The following TMPRSS15 variants were observed in gnomAD, a reference collection of about 807,000 sequenced individuals.
TMPRSS15 encodes transmembrane serine protease 15, also known as enteropeptidase.
A neutral mutation model predicts 125.3 loss-of-function variants in TMPRSS15; 128 were observed. The ratio of observed to expected loss-of-function variants is 1.02; its 90% confidence interval spans 0.89 to 1.18. The LOEUF (loss-of-function observed/expected upper bound fraction) is 1.18. Among genes scored for constraint, TMPRSS15 ranks in the 50% most tolerant of loss-of-function variants. The pLI, the probability that TMPRSS15 is intolerant of heterozygous loss-of-function variation, is 0.00. For synonymous variants in TMPRSS15, 446 were observed against 423.2 expected, an observed-to-expected ratio of 1.05 and a Z score of -0.66; for missense variants, 1,283 against 1,212.7, an observed-to-expected ratio of 1.06 and a Z score of -0.86.
intron 21 of TMPRSS15, 131 bp from the exon 22 acceptor site, chr21:18,281,352 C>T (rs2146872068): frequency 1.2e-6 from 1 of 824,878 alleles, no homozygotes; most frequent in East Asian, 2.6e-5. Context: ...AAGAATCATC[C>T]TTTAAAAATA....
At chr21:18,456,228 A>T (rs1978437664) in intron 1 of TMPRSS15, among the ~76,000 whole-genome samples, 1 of 152,144 alleles carries the variant, frequency 6.6e-6, no homozygotes, top group African/African-American at 2.4e-5. Flanking sequence ...TTCAGGGATT[A>T]ACTTTCTCCT....
At chr21:18,477,192 C>T (rs1195834912) in intron 1 of TMPRSS15, among the ~76,000 whole-genome samples, 3 of 152,116 alleles carry the variant, frequency 2.0e-5, no homozygotes, top group Non-Finnish European at 4.4e-5. Context: ...GAGTTAGAAA[C>T]TGGCAGTGGA....
At chr21:18,315,819 T>C (rs949259239) in intron 16 of TMPRSS15, among the ~76,000 whole-genome samples, 5 of 146,776 alleles carry the variant, frequency 3.4e-5, no homozygotes, top group Admixed American at 6.8e-5. Context: ...GTTGTGCACG[T>C]GTACCCTAGA....
chr21:18,399,165 G>A (rs940428906), intron 1 of TMPRSS15, among the ~76,000 whole-genome samples: 1 of 151,970 alleles, frequency 6.6e-6, no homozygotes, highest in Non-Finnish European at 1.5e-5. Flanking sequence ...ATAATCTGGT[G>A]CGAGAAGACG....
rs548679171 is a variant in TMPRSS15 at position 18,270,122 on chromosome 21, C to G, written c.2907G>C (p.Gly969=). The G allele has an allele frequency of 1.2e-6, 2 of 1,613,628 alleles. No individual in the cohort carries two copies. The highest frequency in any genetic ancestry group is 2.2e-5 in the East Asian group (1 of 44,850). Residue 969 remains glycine (G), a splice_region_variant and synonymous_variant, in exon 25 of 25, where the codon GGG becomes GGC. Coordinates refer to ENST00000284885, the MANE Select transcript of TMPRSS15 (RefSeq NM_002772.3). ...GGCACATTAATGGTCCTCCTGAATC[C>G]CCCTAAAGAGTGAATTGCAAAACAA... The part of the protein sequence containing the change: ...YEEGGIDSCQ[G]DSGGPLMCQE...
intron 21 of TMPRSS15, among the ~76,000 whole-genome samples, chr21:18,288,962 A>G (rs10222071): frequency 0.81 from 122,500 of 152,040 alleles, 49,576 homozygotes; most frequent in Non-Finnish European, 0.83. Flanking sequence ...AGGTAGATAA[A>G]CAGAAAAATA....
At chr21:18,458,592 G>T (rs1978487178) in intron 1 of TMPRSS15, among the ~76,000 whole-genome samples, 1 of 152,192 alleles carries the variant, frequency 6.6e-6, no homozygotes, top group South Asian at 2.1e-4. Flanking sequence ...ACACGGGGTA[G>T]CTGCTAGACT....
chr21:18,391,894 C>T (rs898013639), intron 3 of TMPRSS15, among the ~76,000 whole-genome samples: 1 of 152,206 alleles, frequency 6.6e-6, no homozygotes, highest in Non-Finnish European at 1.5e-5. Flanking sequence ...TTCTGTGTAC[C>T]TGCGGGCCCA....
intron 15 of TMPRSS15, among the ~76,000 whole-genome samples, chr21:18,327,749 G>A (rs148472174): frequency 2.8e-3 from 431 of 152,190 alleles, no homozygotes; most frequent in African/African-American, 9.8e-3. Context: ...GTGGGAGGGC[G>A]ATAAAACACT....
chr21:18,367,357 T>G (rs944934742), intron 6 of TMPRSS15, among the ~76,000 whole-genome samples: 14 of 152,172 alleles, frequency 9.2e-5, no homozygotes, highest in African/African-American at 2.7e-4. Context: ...TAGTAAAATA[T>G]GTGACTTTTT....
At chr21:18,374,711 C>G (rs1331714565) in intron 5 of TMPRSS15, among the ~76,000 whole-genome samples, 2 of 152,036 alleles carry the variant, frequency 1.3e-5, no homozygotes, top group Admixed American at 6.5e-5. Context: ...TTCATAAAGG[C>G]AATTGTTGGA....
At chr21:18,299,794 G>A (rs1315539637) in intron 18 of TMPRSS15, among the ~76,000 whole-genome samples, 1 of 152,110 alleles carries the variant, frequency 6.6e-6, no homozygotes, top group Non-Finnish European at 1.5e-5. Flanking sequence ...AGGTCCAAAG[G>A]CAAATTCTCC....
chr21:18,455,880 G>T (rs1214384923), intron 1 of TMPRSS15, among the ~76,000 whole-genome samples: 1 of 152,106 alleles, frequency 6.6e-6, no homozygotes, highest in Non-Finnish European at 1.5e-5. Flanking sequence ...GAGTGAAAAT[G>T]TCCCTCCTTG....
intron 18 of TMPRSS15, among the ~76,000 whole-genome samples, chr21:18,305,199 T>TTTTC (rs2075019876): frequency 7.0e-6 from 1 of 142,072 alleles, no homozygotes; most frequent in Non-Finnish European, 1.5e-5. Context: ...TTTTTTTTTT[T>TTTTC]TTTTTTTGAG....
intron 1 of TMPRSS15, among the ~76,000 whole-genome samples, chr21:18,433,392 T>C (rs1237673642): frequency 6.6e-6 from 1 of 152,050 alleles, no homozygotes; most frequent in African/African-American, 2.4e-5. Flanking sequence ...CTCATTTATC[T>C]TAAAAATAAC....
chr21:18,432,581 A>G (rs2076218374), intron 1 of TMPRSS15, among the ~76,000 whole-genome samples: 1 of 152,174 alleles, frequency 6.6e-6, no homozygotes, highest in Non-Finnish European at 1.5e-5. Context: ...ATACAGGAAG[A>G]ATGAACCGTG....
rs946685247 is a variant in TMPRSS15 at position 18,269,268 on chromosome 21, A to T, written c.*701T>A. 2.6e-5 allele frequency: 4 copies of T among 152,202 alleles called. No homozygotes were observed. The highest frequency in any genetic ancestry group is 5.9e-5 in the Non-Finnish European group (4 of 68,046). The allele number at this position is 152,202 out of a possible 1,614,324, so 9.4% of individuals were successfully genotyped here. Reference sequence around the variant, plus strand: ...GTGCATTTCTTTGGTATGTCTGATTATTTTCTTGAGACTTAAAAATACTTG... The same window carrying T: ...GTGCATTTCTTTGGTATGTCTGATTTTTTTCTTGAGACTTAAAAATACTTG... On this transcript the variant is annotated 3_prime_UTR_variant, in exon 25 of 25. Transcript: ENST00000284885.
At chr21:18,420,446 A>G (rs199953596) in intron 1 of TMPRSS15, among the ~76,000 whole-genome samples, 1 of 152,314 alleles carries the variant, frequency 6.6e-6, no homozygotes, top group Non-Finnish European at 1.5e-5. Context: ...AATATTTGGA[A>G]GTATAATAAA....
At chr21:18,300,803 T>TA (rs397814369) in intron 18 of TMPRSS15, among the ~76,000 whole-genome samples, 4 of 152,094 alleles carry the variant, frequency 2.6e-5, no homozygotes, top group South Asian at 2.1e-4. Context: ...GATTTTTTTT[T>TA]AAACATATGC....
Sources: gnomAD v4.1 joint callset for allele counts (sites outside exome capture counted in the v4.1 genomes callset) on GRCh38, gnomAD v4.1.1 for gene constraint, MANE v1.5 for transcripts, NCBI Gene and HGNC (gene_info 2026-07-23, HGNC 2026-07-21) for gene names.